The following NR3C2 variants were observed in gnomAD, a reference collection of about 807,000 sequenced individuals.
NR3C2 encodes the protein mineralocorticoid receptor.
Under a neutral mutation model 86.4 loss-of-function variants are expected in NR3C2, and 15 were observed. The ratio of observed to expected loss-of-function variants is 0.17; its 90% CI spans 0.12 to 0.27. The LOEUF (loss-of-function observed/expected upper bound fraction) is 0.27, where lower values mean the gene tolerates loss of function less well. Ranked by LOEUF, NR3C2 falls within the 10% of genes least tolerant of loss-of-function variation. The probability of loss-of-function intolerance (pLI) is 1.00; values close to 1 mark genes in which losing one functional copy is unlikely to be tolerated. For synonymous variants in NR3C2, 458 were observed against 450.5 expected (o/e 1.02, Z -0.21); for missense variants, 960 against 1,195.6 (o/e 0.80, Z 2.91).
At chr4:148,202,776 G>A (rs181133025) in intron 3 of NR3C2, among the ~76,000 whole-genome samples, 1 of 152,030 alleles carries the variant, frequency 6.6e-6, no homozygotes, top group African/African-American at 2.4e-5. Flanking sequence ...AGGCCCTAAG[G>A]TTCCCCCCTC....
intron 2 of NR3C2, among the ~76,000 whole-genome samples, chr4:148,382,719 A>C (rs1747061328): frequency 6.6e-6 from 1 of 152,222 alleles, no homozygotes; most frequent in African/African-American, 2.4e-5. Context: ...ATATAGCAGT[A>C]ATCAATTTAA....
At chr4:148,355,476 A>T (rs1485228113) in intron 2 of NR3C2, among the ~76,000 whole-genome samples, 1 of 152,110 alleles carries the variant, frequency 6.6e-6, no homozygotes, top group Non-Finnish European at 1.5e-5. Flanking sequence ...GATTCTTTTC[A>T]GACAGCTGAC....
rs1730485605 is a variant in NR3C2 at position 148,080,339 on chromosome 4, AAC to A, written c.*1003_*1004del. 2 of 152,696 alleles carry A rather than the reference AAC, an allele frequency of 1.3e-5. No homozygotes were observed. Among genetic ancestry groups the A allele is most frequent in the Non-Finnish European group, 2.9e-5 (2 of 68,054 alleles). 9.5% of individuals were successfully genotyped at this position (152,696 alleles called of 1,614,324 possible). ...AAGAGGTTTCAGTGTGGTTATTTACAACAGAGACTGTAAAATAATGGTAAATT... is the reference window on the plus strand; with the variant it reads ...AAGAGGTTTCAGTGTGGTTATTTACAAGAGACTGTAAAATAATGGTAAATT... On this transcript the variant is annotated 3_prime_UTR_variant, in exon 9 of 9. Transcript: ENST00000358102.
At chr4:148,200,359 C>T (rs957865845) in intron 3 of NR3C2, among the ~76,000 whole-genome samples, 1 of 151,794 alleles carries the variant, frequency 6.6e-6, no homozygotes, top group Non-Finnish European at 1.5e-5. Context: ...ACCCCCCACA[C>T]AGCCCCCTTC....
In NR3C2 at chr4:148,130,348, G is replaced by GA. The variant is rs568580741; in HGVS notation, c.2511-10061dup. On this transcript the variant is annotated intron_variant, in intron 6 of 8. Coordinates refer to ENST00000358102, the MANE Select transcript of NR3C2 (RefSeq NM_000901.5). ...AACTCTTCCACCTATGGGAACCTAT[G>GA]AAAAGTACAATGACATTTTTAAACG... 4.6e-5 allele frequency among the ~76,000 whole-genome samples: 7 copies of GA among 152,304 alleles called. No homozygotes were observed. The East Asian group carries it at 1.2e-3, about 25-fold the overall frequency.
intron 2 of NR3C2, among the ~76,000 whole-genome samples, chr4:148,276,396 T>G (rs188015312): frequency 6.6e-6 from 1 of 152,284 alleles, no homozygotes; most frequent in African/African-American, 2.4e-5. Context: ...CAGATCTTGA[T>G]GTAGACTCAG....
At chr4:148,191,414 A>T (rs1307990805) in intron 4 of NR3C2, among the ~76,000 whole-genome samples, 3 of 152,118 alleles carry the variant, frequency 2.0e-5, no homozygotes, top group Admixed American at 2.0e-4. Context: ...AGCTCTTAAG[A>T]TTCTTTCCTT....
At chr4:148,121,777 G>T (rs12506077) in intron 6 of NR3C2, among the ~76,000 whole-genome samples, 74,559 of 152,062 alleles carry the variant, frequency 0.49, 18,823 homozygotes, top group East Asian at 0.71. Context: ...GTAACTTTGA[G>T]ATGTATCTAT....
intron 2 of NR3C2, among the ~76,000 whole-genome samples, chr4:148,325,384 G>A (rs1265755295): frequency 2.6e-5 from 4 of 152,210 alleles, no homozygotes; most frequent in African/African-American, 9.7e-5. Context: ...AGCAGCCTCT[G>A]TGTATGTGTG....
chr4:148,157,987 A>C (rs1384670224), intron 4 of NR3C2, among the ~76,000 whole-genome samples: 1 of 152,256 alleles, frequency 6.6e-6, no homozygotes, highest in Non-Finnish European at 1.5e-5. Context: ...ACTGGCTTTA[A>C]GAAGTTTAAT....
Position 148,261,593 on chromosome 4 carries a change from G to A in NR3C2, c.1758-1476C>T, listed in dbSNP as rs139326634. The stretch of plus-strand genomic sequence containing the variant: ...CTAGGTGAGAGCCAGAGTAAGAAAG[G>A]GGGCAGAGGTGGAAGAATGTGCAGA... On this transcript the variant is annotated intron_variant, in intron 2 of 8. Transcript: ENST00000358102. Among the ~76,000 whole-genome samples the A allele has an allele frequency of 2.0e-4, 31 of 152,308 alleles. 1 individual carries two copies. The highest frequency in any genetic ancestry group is 2.0e-3 in the Admixed American group (30 of 15,298).
chr4:148,214,453 CAAAAAT>C (rs1737426875), intron 3 of NR3C2, among the ~76,000 whole-genome samples: 1 of 151,930 alleles, frequency 6.6e-6, no homozygotes, highest in Non-Finnish European at 1.5e-5. Flanking sequence ...AACCTAAAAA[CAAAAAT>C]AAAAATTTTC....
chr4:148,339,247 G>A (rs1744636444), intron 2 of NR3C2, among the ~76,000 whole-genome samples: 1 of 152,168 alleles, frequency 6.6e-6, no homozygotes, highest in South Asian at 2.1e-4. Context: ...AGGGTAAGAG[G>A]ATGAAAGGAC....
intron 4 of NR3C2, among the ~76,000 whole-genome samples, chr4:148,169,715 G>A (rs990191662): frequency 3.3e-5 from 5 of 152,182 alleles, no homozygotes; most frequent in Non-Finnish European, 7.4e-5. Flanking sequence ...CAAAGACTAT[G>A]AAAACAGAGA....
chr4:148,141,732 A>T (rs1257624183), intron 6 of NR3C2, among the ~76,000 whole-genome samples: 2 of 152,146 alleles, frequency 1.3e-5, no homozygotes, highest in Non-Finnish European at 2.9e-5. Context: ...CTCCTGTCAG[A>T]TCAGCAGCAG....
intron 3 of NR3C2, among the ~76,000 whole-genome samples, chr4:148,218,146 G>T (rs941129853): frequency 6.6e-6 from 1 of 152,198 alleles, no homozygotes; most frequent in African/African-American, 2.4e-5. Context: ...AGTGTGTTAA[G>T]GCTGTGAATT....
chr4:148,350,584 C>T (rs569025498), intron 2 of NR3C2, among the ~76,000 whole-genome samples: 2 of 152,272 alleles, frequency 1.3e-5, no homozygotes, highest in South Asian at 4.1e-4. Flanking sequence ...TCTCCTAACC[C>T]ATCTCCTCAA....
At chr4:148,436,926 T>A in intron 1 of NR3C2, 64 bp from the exon 2 acceptor site, 1 of 1,307,800 alleles carries the variant, frequency 7.6e-7, no homozygotes, top group Non-Finnish European at 1.1e-6. Flanking sequence ...TAAAAGACAT[T>A]CTAAAATTGC....
At chr4:148,245,921 G>A (rs996382245) in intron 3 of NR3C2, among the ~76,000 whole-genome samples, 1 of 152,066 alleles carries the variant, frequency 6.6e-6, no homozygotes, top group African/African-American at 2.4e-5. Context: ...CTTAAGCAGT[G>A]GGAAGAATAC....
Sources: gnomAD v4.1 joint callset for allele counts (sites outside exome capture counted in the v4.1 genomes callset) on GRCh38, gnomAD v4.1.1 for gene constraint, MANE v1.5 for transcripts, NCBI Gene and HGNC (gene_info 2026-07-23, HGNC 2026-07-21) for gene names.